Variants in WDFY4 observed in about 807,000 individuals in gnomAD.
The protein encoded by WDFY4 is WDFY family member 4.
In WDFY4, 169 loss-of-function variants were observed where a neutral mutation model predicts 351.9. The observed-to-expected ratio is 0.48, with a 90% CI of 0.42 to 0.55. WDFY4 has a LOEUF of 0.55. Ranked by LOEUF, WDFY4 falls within the 20% of genes least tolerant of loss-of-function variation. WDFY4 has a pLI of 0.00. For missense variants in WDFY4, 3,803 were observed against 3,935.6 expected (o/e 0.97, Z 0.90); for synonymous variants, 1,622 against 1,574.6 (o/e 1.03, Z -0.71).
chr10:48,834,217 A>G (rs763003122), intron 39 of WDFY4, among the ~76,000 whole-genome samples: 1 of 152,224 alleles, frequency 6.6e-6, no homozygotes, highest in Admixed American at 6.5e-5. Flanking sequence ...ATTTTGTAAT[A>G]GCTGCATCAG....
chr10:48,949,633 G>A (rs1841221903), intron 51 of WDFY4, among the ~76,000 whole-genome samples: 1 of 152,192 alleles, frequency 6.6e-6, no homozygotes. Context: ...GATGGAGTGG[G>A]GAAGAGTGAG....
intron 47 of WDFY4, among the ~76,000 whole-genome samples, chr10:48,931,955 G>T (rs964171592): frequency 6.6e-6 from 1 of 152,178 alleles, no homozygotes; most frequent in African/African-American, 2.4e-5. Flanking sequence ...TAGTCATGCC[G>T]GCTGTCCCTT....
intron 20 of WDFY4, 51 bp downstream of exon 20, chr10:48,786,921 G>T: frequency 6.8e-7 from 1 of 1,476,848 alleles, no homozygotes; most frequent in Admixed American, 2.0e-5. Flanking sequence ...GTTTTTAAAT[G>T]GACATCCAGT....
intron 1 of WDFY4, among the ~76,000 whole-genome samples, chr10:48,706,057 G>A (rs1198388283): frequency 6.6e-6 from 1 of 152,190 alleles, no homozygotes; most frequent in African/African-American, 2.4e-5. Context: ...GGACACAGTG[G>A]CTTTCAGAGT....
At chr10:48,852,804 C>T (rs1180216626) in intron 39 of WDFY4, among the ~76,000 whole-genome samples, 1 of 152,190 alleles carries the variant, frequency 6.6e-6, no homozygotes, top group Non-Finnish European at 1.5e-5. Flanking sequence ...TCCTTATTTT[C>T]TTCCCCTGTA....
intron 1 of WDFY4, among the ~76,000 whole-genome samples, chr10:48,695,610 A>T (rs764348992): frequency 6.6e-6 from 1 of 152,170 alleles, no homozygotes; most frequent in Non-Finnish European, 1.5e-5. Flanking sequence ...GTAGATGGTC[A>T]CTTTTCCATG....
chr10:48,857,272 A>G (rs182492111), intron 39 of WDFY4, among the ~76,000 whole-genome samples: 13 of 152,240 alleles, frequency 8.5e-5, no homozygotes, highest in Non-Finnish European at 1.5e-5. Flanking sequence ...AAGTGTATTC[A>G]GGGTTGAGAT....
At chr10:48,794,249 C>A (rs182861095) in intron 23 of WDFY4, among the ~76,000 whole-genome samples, 1 of 152,214 alleles carries the variant, frequency 6.6e-6, no homozygotes, top group African/African-American at 2.4e-5. Context: ...GAGGTTCAAG[C>A]AGGGGCTGAG....
intron 43 of WDFY4, chr10:48,884,354 A>G (rs1456634340): frequency 5.9e-5 from 9 of 152,200 alleles, no homozygotes; most frequent in African/African-American, 2.2e-4. Flanking sequence ...AAATGAAAAC[A>G]ACACATGTCA....
At chr10:48,975,720 G>A (rs557135358) in intron 58 of WDFY4, among the ~76,000 whole-genome samples, 19 of 152,268 alleles carry the variant, frequency 1.2e-4, no homozygotes, top group African/African-American at 4.6e-4. Flanking sequence ...ATGGATGGGT[G>A]GATGGATGGG....
At chr10:48,901,492 A>G (rs566246265) in intron 46 of WDFY4, among the ~76,000 whole-genome samples, 2 of 152,380 alleles carry the variant, frequency 1.3e-5, no homozygotes, top group South Asian at 2.1e-4. Context: ...TGGAATGTAC[A>G]GCAGGATTGT....
At chr10:48,861,443 C>T (rs2069340019) in intron 39 of WDFY4, among the ~76,000 whole-genome samples, 1 of 151,990 alleles carries the variant, frequency 6.6e-6, no homozygotes, top group African/African-American at 2.4e-5. Context: ...CCCTTTAATC[C>T]AAAGGGATAT....
At chr10:48,806,387 T>G (rs114604830) in intron 27 of WDFY4, among the ~76,000 whole-genome samples, 2 of 152,226 alleles carry the variant, frequency 1.3e-5, no homozygotes, top group African/African-American at 4.8e-5. Context: ...CACTTCCTGG[T>G]TGAACCCCCA....
rs147409594 is a variant in WDFY4, at chr10:48,831,507, T to C, written c.6526+622T>C. 2.6e-4 allele frequency among the ~76,000 whole-genome samples: 39 copies of C among 152,350 alleles called. No homozygotes were observed. In the East Asian group the frequency reaches 6.4e-3, roughly 25 times the overall value. The stretch of plus-strand genomic sequence containing the variant: ...TCCAGAATCACAAAATGTGCAGTGA[T>C]TCAAGAGTTAGTTATTTCCATGTAT... On this transcript the variant is annotated intron_variant, in intron 38 of 61. Coordinates refer to ENST00000325239, the MANE Select transcript of WDFY4 (RefSeq NM_001394531.1).
In WDFY4 at chr10:48,760,342, T is replaced by A; in HGVS notation, c.2460-5T>A. On this transcript the variant is annotated splice_region_variant and splice_polypyrimidine_tract_variant and intron_variant, in intron 12 of 61. Coordinates refer to ENST00000325239, the MANE Select transcript of WDFY4 (RefSeq NM_001394531.1). ...TCTCATGTCTGGCTCTCCCTCTCTC[T>A]GCAGGATGGATGAGGGAGATGCTGC... 1 of 1,551,384 alleles carries A rather than the reference T, an allele frequency of 6.4e-7. No homozygotes were observed. Among genetic ancestry groups the A allele is most frequent in the Non-Finnish European group, 8.7e-7 (1 of 1,146,794 alleles).
chr10:48,884,853 G>A (rs937203594), intron 43 of WDFY4, among the ~76,000 whole-genome samples: 3 of 152,126 alleles, frequency 2.0e-5, no homozygotes, highest in Non-Finnish European at 2.9e-5. Flanking sequence ...TGCTCCCAGA[G>A]CACCTGTGCT....
intron 13 of WDFY4, among the ~76,000 whole-genome samples, chr10:48,761,591 T>C (rs768825744): frequency 2.0e-5 from 3 of 152,142 alleles, no homozygotes; most frequent in Non-Finnish European, 4.4e-5. Flanking sequence ...GACTCTCAAG[T>C]GTCTGTCCCG....
intron 39 of WDFY4, among the ~76,000 whole-genome samples, chr10:48,837,224 C>A (rs2068431892): frequency 6.6e-6 from 1 of 151,732 alleles, no homozygotes; most frequent in African/African-American, 2.4e-5. Context: ...GGAGGTGACG[C>A]CTAGAGCTGA....
chr10:48,789,784 G>A (rs764275865), intron 21 of WDFY4, 90 bp from the exon 22 acceptor site: 4 of 1,214,012 alleles, frequency 3.3e-6, no homozygotes, highest in South Asian at 1.3e-5. Context: ...ACTGGGCCAG[G>A]CCCCAGAGGG....
Sources: allele counts gnomAD v4.1 joint callset (sites outside exome capture counted in the v4.1 genomes callset), GRCh38; gene constraint gnomAD v4.1.1; transcripts MANE v1.5; gene names NCBI Gene and HGNC (gene_info 2026-07-23, HGNC 2026-07-21).